The following RABEPK variants were observed in gnomAD, a reference collection of about 807,000 sequenced individuals.
RABEPK encodes 40 kDa Rab9 effector protein.
In RABEPK, 27 loss-of-function variants were observed where a neutral mutation model predicts 34.1. The ratio of observed to expected loss-of-function variants is 0.79; its 90% CI spans 0.58 to 1.09. RABEPK has a LOEUF of 1.09. RABEPK is among the 50% of genes least tolerant of loss of function. The pLI is 0.00. For missense variants in RABEPK, 449 were observed against 462.6 expected, an observed-to-expected ratio of 0.97 and a Z score of 0.27; for synonymous variants, 172 against 169.2, an observed-to-expected ratio of 1.02 and a Z score of -0.13.
At chr9:125,231,894 ATTTTTT>A (rs555538576) in intron 6 of RABEPK, among the ~76,000 whole-genome samples, 1 of 112,660 alleles carries the variant, frequency 8.9e-6, no homozygotes, top group Non-Finnish European at 1.8e-5. Flanking sequence ...AAGGAACTGT[ATTTTTT>A]TTTTTTTTTT....
chr9:125,219,184 TTC>T (rs1831148665), intron 4 of RABEPK, among the ~76,000 whole-genome samples: 1 of 149,928 alleles, frequency 6.7e-6, no homozygotes, highest in African/African-American at 2.4e-5. Flanking sequence ...TTTTTTTTTT[TTC>T]ATTTCTTTCT....
intron 5 of RABEPK, chr9:125,221,811 G>A (rs1217803088): frequency 6.6e-6 from 1 of 151,784 alleles, no homozygotes; most frequent in Non-Finnish European, 1.5e-5. Flanking sequence ...AACTAGCTGG[G>A]ATTACCAGCA....
intron 3 of RABEPK, among the ~76,000 whole-genome samples, chr9:125,209,891 C>T (rs1830475845): frequency 6.6e-6 from 1 of 152,190 alleles, no homozygotes; most frequent in Non-Finnish European, 1.5e-5. Context: ...CTACATGACT[C>T]TGTATGTCCG....
rs368406396 is a variant in RABEPK, at chr9:125,233,805, A to G, written c.944A>G (p.Asn315Ser). 17 of 1,613,904 alleles carry G rather than the reference A, an allele frequency of 1.1e-5. No homozygotes were observed. The highest frequency in any genetic ancestry group is 6.6e-5 in the South Asian group (6 of 91,092). The change falls in exon 8 of 8, where the codon AAC (asparagine) becomes AGC (serine). Residue 315 changes from asparagine to serine, a missense_variant. Transcript: ENST00000373538. ...TGTGCTTCTGAGAAAGAAGATTCCAACTCTCTCACTCTGAACCATGAAGCT... is the reference window on the plus strand; with the variant it reads ...TGTGCTTCTGAGAAAGAAGATTCCAGCTCTCTCACTCTGAACCATGAAGCT... ...VTCASEKEDSNSLTLNHEAEK... is the reference protein window; with the variant it reads ...VTCASEKEDSSSLTLNHEAEK...
intron 3 of RABEPK, among the ~76,000 whole-genome samples, chr9:125,212,056 T>C (rs1794827700): frequency 6.6e-6 from 1 of 152,190 alleles, no homozygotes; most frequent in Non-Finnish European, 1.5e-5. Flanking sequence ...TATTGCAACC[T>C]ATTAATAGCT....
At chr9:125,205,126 C>A (rs1412533078) in intron 2 of RABEPK, among the ~76,000 whole-genome samples, 1 of 151,982 alleles carries the variant, frequency 6.6e-6, no homozygotes, top group Admixed American at 6.6e-5. Context: ...CCTGGCCTAC[C>A]CAGCTAATTT....
At chr9:125,207,812 A>G in intron 3 of RABEPK, 91 bp downstream of exon 3, 1 of 1,469,934 alleles carries the variant, frequency 6.8e-7, no homozygotes, top group South Asian at 1.2e-5. Context: ...TAAAAACACC[A>G]GCAGGGTTTT....
chr9:125,228,031 C>T lies in RABEPK; in HGVS notation c.648C>T (p.Phe216=). Residue 216 remains phenylalanine, a synonymous_variant, in exon 6 of 8, where the codon TTC becomes TTT. Transcript: ENST00000373538. The part of the protein sequence containing the change: ...FIHGGLAGDR[F]YDDLHCIDIS... ...ACGGAGGCTTGGCGGGGGACAGATT[C>T]TATGATGACCTCCACTGCATTGATA... is the stretch of plus-strand genomic sequence containing the variant. 2.5e-6 allele frequency: 4 copies of T among 1,602,174 alleles called. No homozygotes were observed. Among genetic ancestry groups the T allele is most frequent in the Non-Finnish European group, 3.4e-6 (4 of 1,172,876 alleles).
At chr9:125,226,573 A>G (rs999553700) in intron 5 of RABEPK, among the ~76,000 whole-genome samples, 1 of 151,564 alleles carries the variant, frequency 6.6e-6, no homozygotes, top group Non-Finnish European at 1.5e-5. Flanking sequence ...AAAATACAAA[A>G]TATTAGATGG....
chr9:125,226,603 C>T (rs1349047360), intron 5 of RABEPK, among the ~76,000 whole-genome samples: 1 of 151,774 alleles, frequency 6.6e-6, no homozygotes, highest in East Asian at 1.9e-4. Context: ...CGGTGGCTCA[C>T]GTCTGTAATC....
intron 2 of RABEPK, 134 bp downstream of exon 2, chr9:125,203,200 A>G: frequency 1.5e-6 from 1 of 689,036 alleles, no homozygotes; most frequent in Non-Finnish European, 2.6e-6. Context: ...ATTAGACTCA[A>G]ACTGTCTGAG....
At position 125,213,375 on chromosome 9, in the gene RABEPK, C is replaced by T. The variant is rs1128362; in HGVS notation, c.217C>T (p.His73Tyr). ...CTGGGTGAAATGTTTTCCAGGAAAACACCAGTGGGACTTAGATACCTGCAA... is the reference window on the plus strand; with the variant it reads ...CTGGGTGAAATGTTTTCCAGGAAAATACCAGTGGGACTTAGATACCTGCAA... ...SDVHTMDLGK[H>Y]QWDLDTCKGL... is the part of the protein sequence containing the mutation. The change falls in exon 4 of 8, where the codon CAC (histidine) becomes TAC (tyrosine). Residue 73 changes from histidine (H) to tyrosine (Y), a missense_variant. Transcript: ENST00000373538. The T allele has an allele frequency of 0.14, 218,371 of 1,608,214 alleles. 15,683 individuals carry two copies. The highest frequency in any genetic ancestry group is 0.14 in the Non-Finnish European group (170,525 of 1,177,894).
At chr9:125,222,715 A>G (rs1481642213) in intron 5 of RABEPK, among the ~76,000 whole-genome samples, 1 of 136,074 alleles carries the variant, frequency 7.3e-6, no homozygotes, top group Non-Finnish European at 1.7e-5. Flanking sequence ...CTCTGTATCA[A>G]AAAAAAAAAA....
intron 2 of RABEPK, among the ~76,000 whole-genome samples, chr9:125,205,932 G>A (rs1354847522): frequency 8.2e-6 from 1 of 121,398 alleles, no homozygotes; most frequent in Non-Finnish European, 1.8e-5. Flanking sequence ...CAAATGTAAA[G>A]TGAGGAAAAG....
At position 125,215,882 on chromosome 9, in the gene RABEPK, C is replaced by T. The variant is rs142706388; in HGVS notation, c.364+2360C>T. On this transcript the variant is annotated intron_variant, in intron 4 of 7. Transcript: ENST00000373538. ...AAATTGCTCTCCAGAAAGATTTTTC[C>T]GGTTTATCCTCTCTCCAACTGTGTT... 1.7e-3 allele frequency among the ~76,000 whole-genome samples: 259 copies of T among 152,218 alleles called. 2 individuals carry two copies. Among genetic ancestry groups the T allele is most frequent in the East Asian group, 0.016 (83 of 5,190 alleles).
At chr9:125,202,870 G>A (rs1829993654) in intron 1 of RABEPK, 138 bp from the exon 2 acceptor site, 1 of 378,874 alleles carries the variant, frequency 2.6e-6, no homozygotes, top group Non-Finnish European at 4.8e-6. Flanking sequence ...AAATAAAGAT[G>A]AAAAGTTGGT....
At chr9:125,218,321 CAAAAAAAAAAAAAA>C (rs71374234) in intron 4 of RABEPK, among the ~76,000 whole-genome samples, 2 of 41,150 alleles carry the variant, frequency 4.9e-5, no homozygotes, top group Non-Finnish European at 8.4e-5. Context: ...GACTCCGTCT[CAAAAAAAAAAAAAA>C]AAAAAAAAAA....
At chr9:125,210,528 G>A (rs1270463084) in intron 3 of RABEPK, among the ~76,000 whole-genome samples, 4 of 151,698 alleles carry the variant, frequency 2.6e-5, no homozygotes, top group South Asian at 2.1e-4. Flanking sequence ...GACCATCCTG[G>A]CCAACATGGT....
chr9:125,208,886 T>C (rs1214856848), intron 3 of RABEPK, among the ~76,000 whole-genome samples: 1 of 152,040 alleles, frequency 6.6e-6, no homozygotes, highest in Non-Finnish European at 1.5e-5. Flanking sequence ...ACTACTACTG[T>C]AGTCCAAGCC....
Sources: gnomAD v4.1 joint callset for allele counts (sites outside exome capture counted in the v4.1 genomes callset) on GRCh38, gnomAD v4.1.1 for gene constraint, MANE v1.5 for transcripts, NCBI Gene and HGNC (gene_info 2026-07-23, HGNC 2026-07-21) for gene names.